IGSF5: variants seen among roughly 807,000 people sequenced by gnomAD.
IGSF5 encodes the protein immunoglobulin superfamily 5 like.
In IGSF5, 41 loss-of-function variants were observed where a neutral mutation model predicts 39.4. That is an observed-to-expected ratio of 1.04 (90% CI 0.81 to 1.35). IGSF5 has a LOEUF of 1.35. Among genes scored for constraint, IGSF5 ranks in the 40% most tolerant of loss-of-function variants. The pLI, the probability that IGSF5 is intolerant of heterozygous loss-of-function variation, is 0.00. For missense variants in IGSF5, 487 were observed against 494.6 expected (o/e 0.98, Z 0.15); for synonymous variants, 183 against 175.3 (o/e 1.04, Z -0.34).
chr21:39,781,283 CA>C (rs1175937130), intron 5 of IGSF5, among the ~76,000 whole-genome samples: 2 of 152,148 alleles, frequency 1.3e-5, no homozygotes, highest in Non-Finnish European at 2.9e-5. Context: ...TCCTGGAAAT[CA>C]ATCCATGTCA....
At chr21:39,744,790 G>T (rs1309841121), upstream of IGSF5, among the ~76,000 whole-genome samples, 2 of 152,182 alleles carry the variant, frequency 1.3e-5, no homozygotes, top group African/African-American at 4.8e-5. Flanking sequence ...TGCTCACAGC[G>T]AAGTTTCCTC....
chr21:39,745,849 CA>C (rs2079971501), intron 1 of IGSF5, among the ~76,000 whole-genome samples: 1 of 152,076 alleles, frequency 6.6e-6, no homozygotes, highest in Non-Finnish European at 1.5e-5. Context: ...GACAGTATAG[CA>C]AGCGAAAGTG....
At chr21:39,777,523 C>T (rs563936196) in intron 4 of IGSF5, among the ~76,000 whole-genome samples, 13 of 152,104 alleles carry the variant, frequency 8.5e-5, no homozygotes, top group South Asian at 2.1e-4. Flanking sequence ...GCTTCAGCTC[C>T]GGGGCTGGGA....
At chr21:39,759,182 T>C (rs776705171) in intron 2 of IGSF5, among the ~76,000 whole-genome samples, 26 of 152,240 alleles carry the variant, frequency 1.7e-4, no homozygotes, top group Non-Finnish European at 3.1e-4. Context: ...TCAAATAGAA[T>C]GGGCAGTATC....
At chr21:39,742,002 T>G (rs1345574090), upstream of IGSF5, among the ~76,000 whole-genome samples, 5 of 152,084 alleles carry the variant, frequency 3.3e-5, no homozygotes, top group African/African-American at 9.7e-5. Flanking sequence ...AACAATCTTT[T>G]GGAGTCTTTG....
the IGSF5 span, among the ~76,000 whole-genome samples, chr21:39,716,801 A>G: frequency 2.6e-5 from 4 of 152,232 alleles, no homozygotes; most frequent in Admixed American, 1.3e-4. Context: ...CAGTGCTGCA[A>G]TGAACATTTA....
chr21:39,780,698 G>C (rs1601136309), intron 5 of IGSF5, among the ~76,000 whole-genome samples: 1 of 152,286 alleles, frequency 6.6e-6, no homozygotes, highest in East Asian at 1.9e-4. Context: ...TCGTATGAAA[G>C]CAGTAGCCTT....
upstream of IGSF5, among the ~76,000 whole-genome samples, chr21:39,745,163 CTCTCTCTCTCTCCA>C (rs909357250): frequency 1.6e-4 from 24 of 151,690 alleles, no homozygotes; most frequent in African/African-American, 4.8e-4. Context: ...CTTCATCTCT[CTCTCTCTCTCTCCA>C]TCTCTCTCTC....
At chr21:39,747,117 C>A (rs1602361782) in intron 2 of IGSF5, among the ~76,000 whole-genome samples, 1 of 152,154 alleles carries the variant, frequency 6.6e-6, no homozygotes, top group Non-Finnish European at 1.5e-5. Flanking sequence ...GAAGTCATAC[C>A]CGAGACCGGG....
At chr21:39,793,009 A>T (rs1569259842) in intron 7 of IGSF5, among the ~76,000 whole-genome samples, 1 of 151,474 alleles carries the variant, frequency 6.6e-6, no homozygotes, top group African/African-American at 2.4e-5. Context: ...CAGCAGCCCC[A>T]TTTTTTTTGA....
chr21:39,801,578 G>T lies in IGSF5; in HGVS notation c.*221G>T. ...TTTTAAGAGGTTTCATGGTTTTTGT[G>T]AATTCCATGAAGTTACTAAGTAAAA... On this transcript the variant is annotated 3_prime_UTR_variant, in exon 9 of 9. Coordinates refer to ENST00000380588, the MANE Select transcript of IGSF5 (RefSeq NM_001080444.2). The T allele has an allele frequency of 2.5e-6, 1 of 399,588 alleles. No individual in the cohort carries two copies. Among genetic ancestry groups the T allele is most frequent in the Non-Finnish European group, 4.5e-6 (1 of 223,696 alleles). The allele number at this position is 399,588 out of a possible 1,614,324, so 24.8% of individuals were successfully genotyped here. A position where few individuals can be genotyped will look rare whatever the true frequency, so the allele number is the denominator to read the frequency against.
At chr21:39,748,299 A>ATTTTTTTTTTTTT (rs1569246431) in intron 2 of IGSF5, among the ~76,000 whole-genome samples, 2 of 43,744 alleles carry the variant, frequency 4.6e-5, no homozygotes, top group Non-Finnish European at 6.1e-5. Context: ...AGAAAACAAG[A>ATTTTTTTTTTTTT]TCTTTTTTTT....
chr21:39,782,234 G>T lies in IGSF5; in HGVS notation c.934+2929G>T, dbSNP rs183582674. 2.7e-3 allele frequency among the ~76,000 whole-genome samples: 411 copies of T among 152,224 alleles called. 1 individual carries two copies. The highest frequency in any genetic ancestry group is 9.2e-3 in the African/African-American group (381 of 41,548). ...ACACTGTACTGTTTTAATTATAGAA[G>T]TTTTATAGTATGTTTTAATGTCTCC... On this transcript the variant is annotated intron_variant, in intron 5 of 8. Transcript: ENST00000380588.
chr21:39,787,511 A>G (rs939525810), intron 5 of IGSF5, among the ~76,000 whole-genome samples: 6 of 145,842 alleles, frequency 4.1e-5, no homozygotes, highest in Admixed American at 6.8e-5. Context: ...TAATCAGTCT[A>G]TGGATCCACT....
At chr21:39,740,578 A>G (rs1450597219), upstream of IGSF5, among the ~76,000 whole-genome samples, 2 of 152,190 alleles carry the variant, frequency 1.3e-5, no homozygotes, top group African/African-American at 2.4e-5. Flanking sequence ...CAAGTATTCC[A>G]TTATCACTGA....
chr21:39,791,456 C>T (rs549686584), intron 6 of IGSF5, among the ~76,000 whole-genome samples: 220 of 152,278 alleles, frequency 1.4e-3, no homozygotes, highest in African/African-American at 4.8e-3. Context: ...GCCTCCAAAC[C>T]CTAGGAGGCT....
intron 2 of IGSF5, among the ~76,000 whole-genome samples, chr21:39,754,837 A>G (rs1049372842): frequency 2.0e-5 from 3 of 152,184 alleles, no homozygotes; most frequent in Non-Finnish European, 2.9e-5. Context: ...ACTTGAAATC[A>G]GCTTTATGAC....
intron 4 of IGSF5, among the ~76,000 whole-genome samples, chr21:39,774,769 C>T: frequency 6.6e-6 from 1 of 152,186 alleles, no homozygotes; most frequent in Non-Finnish European, 1.5e-5. Flanking sequence ...ACATGAGCAC[C>T]TTGTGGAATG....
the IGSF5 span, among the ~76,000 whole-genome samples, chr21:39,737,824 C>T: frequency 9.2e-5 from 14 of 152,272 alleles, no homozygotes; most frequent in East Asian, 2.7e-3. Flanking sequence ...ATTCTTTTGG[C>T]CTCTCTCTGC....
Sources: allele counts gnomAD v4.1 joint callset (sites outside exome capture counted in the v4.1 genomes callset), GRCh38; gene constraint gnomAD v4.1.1; transcripts MANE v1.5; gene names NCBI Gene and HGNC (gene_info 2026-07-23, HGNC 2026-07-21).